KCNH8: variants seen among roughly 807,000 people sequenced by gnomAD.
KCNH8 encodes potassium voltage-gated channel subfamily H member 8.
Under a neutral mutation model 103.6 loss-of-function variants are expected in KCNH8, and 70 were observed. The observed-to-expected ratio is 0.68, with a 90% confidence interval of 0.56 to 0.82. The LOEUF is 0.82. KCNH8 is among the 40% of genes least tolerant of loss of function. The pLI is 0.00. For missense variants in KCNH8, 1,217 were observed against 1,329.9 expected, an observed-to-expected ratio of 0.92 and a Z score of 1.32; for synonymous variants, 498 against 489.4, an observed-to-expected ratio of 1.02 and a Z score of -0.23.
At position 19,533,396 on chromosome 3, in the gene KCNH8, TAAC is replaced by T; in HGVS notation, c.2626_2628del (p.Thr876del). On this transcript the variant is annotated inframe_deletion and splice_region_variant, in exon 16 of 16. Transcript: ENST00000328405. ...TTTCACTTTGCTCTATCCACATAGG[TAAC>T]AACATTGACTCAGGAAGTTTCTCAG... The T allele has an allele frequency of 6.2e-7, 1 of 1,610,228 alleles. No homozygotes were observed. Among genetic ancestry groups the T allele is most frequent in the Admixed American group, 1.7e-5 (1 of 60,028 alleles).
intron 7 of KCNH8, among the ~76,000 whole-genome samples, chr3:19,400,837 T>C (rs189746851): frequency 6.6e-6 from 1 of 151,936 alleles, no homozygotes; most frequent in Non-Finnish European, 1.5e-5. Context: ...AGGCTTATGA[T>C]GTTGTAGGCT....
chr3:19,264,673 A>G (rs7639506), intron 2 of KCNH8, among the ~76,000 whole-genome samples: 1 of 152,028 alleles, frequency 6.6e-6, no homozygotes, highest in Non-Finnish European at 1.5e-5. Flanking sequence ...AGCCTTAGCA[A>G]CTACCTGACT....
chr3:19,158,522 C>T (rs534944271), intron 1 of KCNH8, among the ~76,000 whole-genome samples: 18 of 151,742 alleles, frequency 1.2e-4, no homozygotes, highest in South Asian at 1.0e-3. Context: ...ACAGGAAATA[C>T]GACATTTTTG....
intron 1 of KCNH8, among the ~76,000 whole-genome samples, chr3:19,170,462 C>G (rs2063329501): frequency 6.6e-6 from 1 of 151,590 alleles, no homozygotes; most frequent in African/African-American, 2.4e-5. Context: ...CAGAGAGTTA[C>G]ATAGGGAAGA....
At chr3:19,446,931 T>C (rs549331058) in intron 8 of KCNH8, among the ~76,000 whole-genome samples, 2 of 152,138 alleles carry the variant, frequency 1.3e-5, no homozygotes, top group African/African-American at 4.8e-5. Flanking sequence ...AGATGCCAAT[T>C]GTTGAGGTTC....
intron 7 of KCNH8, among the ~76,000 whole-genome samples, chr3:19,401,561 T>G (rs2066613012): frequency 6.6e-6 from 1 of 152,016 alleles, no homozygotes; most frequent in Admixed American, 6.6e-5. Context: ...AATGCTCTAT[T>G]CTATTTTCAT....
At chr3:19,493,936 G>C (rs116399357) in intron 11 of KCNH8, among the ~76,000 whole-genome samples, 2,523 of 152,178 alleles carry the variant, frequency 0.017, 65 homozygotes, top group African/African-American at 0.056. Flanking sequence ...TTGGTATGTA[G>C]ATTATTTCAT....
At chr3:19,333,134 G>A (rs1360674863) in intron 3 of KCNH8, among the ~76,000 whole-genome samples, 1 of 152,094 alleles carries the variant, frequency 6.6e-6, no homozygotes. Flanking sequence ...ATCTTTTCAT[G>A]TGGTTATTTG....
chr3:19,221,968 G>A lies in KCNH8; in HGVS notation c.77-31686G>A, dbSNP rs544663326. On this transcript the variant is annotated intron_variant, in intron 1 of 15. Coordinates refer to ENST00000328405, the MANE Select transcript of KCNH8 (RefSeq NM_144633.3). ...GTTCAAGCGATTCGCCTGCCTCAGC[G>A]TCCTGAGTAGCTGGGACTACAGGCA... is the stretch of plus-strand genomic sequence containing the variant. 3.9e-5 allele frequency among the ~76,000 whole-genome samples: 6 copies of A among 151,934 alleles called. No homozygotes were observed. In the East Asian group the frequency reaches 9.7e-4, roughly 25 times the overall value.
At chr3:19,343,894 G>A (rs570538505) in intron 4 of KCNH8, among the ~76,000 whole-genome samples, 219 of 151,902 alleles carry the variant, frequency 1.4e-3, no homozygotes, top group Non-Finnish European at 2.8e-3. Context: ...CTTTCTGGAA[G>A]CCAAAACAAG....
At chr3:19,476,110 T>G (rs1040228160) in intron 11 of KCNH8, among the ~76,000 whole-genome samples, 1 of 152,214 alleles carries the variant, frequency 6.6e-6, no homozygotes, top group Non-Finnish European at 1.5e-5. Context: ...AAAACAATTA[T>G]GCATTTAGTC....
At chr3:19,307,095 A>G (rs1490873034) in intron 3 of KCNH8, among the ~76,000 whole-genome samples, 2 of 151,962 alleles carry the variant, frequency 1.3e-5, no homozygotes, top group African/African-American at 2.4e-5. Context: ...ATTTTTGACA[A>G]AAGTGCCTAG....
In KCNH8 at chr3:19,305,274, GA is replaced by G. The variant is rs749051948; in HGVS notation, c.442+23951del. Among the ~76,000 whole-genome samples the G allele has an allele frequency of 8.5e-5, 13 of 152,184 alleles. No individual in the cohort carries two copies. In the South Asian group the frequency reaches 1.2e-3, roughly 15 times the overall value. ...ATAATTGCCAATAAAGTCAAAGGTA[GA>G]AAAAATAGATTTTCAGACATGAAAC... On this transcript the variant is annotated intron_variant, in intron 3 of 15. Coordinates refer to ENST00000328405, the MANE Select transcript of KCNH8 (RefSeq NM_144633.3).
intron 1 of KCNH8, among the ~76,000 whole-genome samples, chr3:19,247,396 T>G (rs2064220210): frequency 6.6e-6 from 1 of 152,222 alleles, no homozygotes; most frequent in South Asian, 2.1e-4. Context: ...AATATTAATA[T>G]TCTATCTTCC....
intron 11 of KCNH8, among the ~76,000 whole-genome samples, chr3:19,509,971 AT>A (rs1345765268): frequency 6.7e-6 from 1 of 148,482 alleles, no homozygotes; most frequent in African/African-American, 2.5e-5. Flanking sequence ...ATTTAGCAAA[AT>A]AGCAAGAAAG....
chr3:19,399,413 T>A (rs561431551), intron 7 of KCNH8, among the ~76,000 whole-genome samples: 1 of 152,126 alleles, frequency 6.6e-6, no homozygotes, highest in South Asian at 2.1e-4. Flanking sequence ...TAATCAATGA[T>A]ATTGAATTAG....
chr3:19,282,045 T>C (rs912531406), intron 3 of KCNH8, among the ~76,000 whole-genome samples: 2 of 152,118 alleles, frequency 1.3e-5, no homozygotes, highest in African/African-American at 4.8e-5. Context: ...GCAATTATCC[T>C]TTGTGGATTT....
At chr3:19,245,702 G>T (rs2064195909) in intron 1 of KCNH8, among the ~76,000 whole-genome samples, 3 of 151,762 alleles carry the variant, frequency 2.0e-5, no homozygotes, top group African/African-American at 7.3e-5. Context: ...TTTCTTTGTG[G>T]CTATTGTAAA....
intron 11 of KCNH8, among the ~76,000 whole-genome samples, chr3:19,498,798 C>A (rs868850833): frequency 6.6e-6 from 1 of 152,124 alleles, no homozygotes; most frequent in Admixed American, 6.6e-5. Flanking sequence ...TTCCTTCTAA[C>A]AGACAGGACC....
Sources: gnomAD v4.1 joint callset for allele counts (sites outside exome capture counted in the v4.1 genomes callset) on GRCh38, gnomAD v4.1.1 for gene constraint, MANE v1.5 for transcripts, NCBI Gene and HGNC (gene_info 2026-07-23, HGNC 2026-07-21) for gene names.